The following TMCO6 variants were observed in gnomAD, a reference collection of about 807,000 sequenced individuals.
TMCO6 encodes transmembrane and coiled-coil domain-containing protein 6.
In TMCO6, 47 loss-of-function variants were observed where a neutral mutation model predicts 61.8. The ratio of observed to expected loss-of-function variants is 0.76; its 90% CI spans 0.60 to 0.97. The LOEUF (loss-of-function observed/expected upper bound fraction) is 0.97. TMCO6 is among the 50% of genes least tolerant of loss of function. The probability of loss-of-function intolerance (pLI) is 0.00; values close to 1 mark genes in which losing one functional copy is unlikely to be tolerated. For synonymous variants in TMCO6, 261 were observed against 254.2 expected (o/e 1.03, Z -0.25); for missense variants, 557 against 601.6 (o/e 0.93, Z 0.78).
downstream of TMCO6, among the ~76,000 whole-genome samples, chr5:140,646,041 C>T (rs933197819): frequency 6.8e-5 from 10 of 146,588 alleles, no homozygotes; most frequent in African/African-American, 1.8e-4. Flanking sequence ...GACGGAGTCT[C>T]GCTCTGTCAC....
chr5:140,633,982 T>G, the TMCO6 span, among the ~76,000 whole-genome samples: 35,083 of 151,624 alleles, frequency 0.23, 4,212 homozygotes, highest in East Asian at 0.29. Flanking sequence ...TAGAGACAGG[T>G]TTTCATCATC....
At chr5:140,643,089 T>A (rs1757149882) in intron 7 of TMCO6, 48 bp downstream of exon 7, 2 of 1,612,210 alleles carry the variant, frequency 1.2e-6, no homozygotes, top group East Asian at 4.5e-5. Flanking sequence ...TGGGGCTCCC[T>A]TCCATGACAT....
chr5:140,596,781 G>A, the TMCO6 span, among the ~76,000 whole-genome samples: 5 of 152,260 alleles, frequency 3.3e-5, no homozygotes, highest in African/African-American at 9.6e-5. Context: ...CAGCTGCGGC[G>A]CAAGTGGAGT....
the TMCO6 span, among the ~76,000 whole-genome samples, chr5:140,620,724 A>G: frequency 6.6e-6 from 1 of 152,174 alleles, no homozygotes; most frequent in African/African-American, 2.4e-5. Context: ...TATGTGTGCT[A>G]GGGAGGTTGG....
chr5:140,646,379 C>T (rs144476157), downstream of TMCO6, among the ~76,000 whole-genome samples: 2 of 152,220 alleles, frequency 1.3e-5, no homozygotes, highest in East Asian at 3.9e-4. Flanking sequence ...TAAAGTTACT[C>T]GTGTCTATCT....
the TMCO6 span, among the ~76,000 whole-genome samples, chr5:140,631,557 A>G: frequency 6.6e-6 from 1 of 152,184 alleles, no homozygotes; most frequent in African/African-American, 2.4e-5. Context: ...AGCCCTAGCC[A>G]GGAGTCCTTT....
the TMCO6 span, among the ~76,000 whole-genome samples, chr5:140,625,695 A>G: frequency 6.6e-5 from 10 of 152,306 alleles, no homozygotes; most frequent in East Asian, 7.7e-4. Flanking sequence ...TTTGCTCACT[A>G]TAAGTGCTTT....
At chr5:140,612,184 CTG>C in the TMCO6 span, among the ~76,000 whole-genome samples, 9 of 152,158 alleles carry the variant, frequency 5.9e-5, no homozygotes, top group Non-Finnish European at 1.3e-4. Context: ...AGCATAAAGT[CTG>C]TCACATCACA....
At chr5:140,618,261 C>A in the TMCO6 span, among the ~76,000 whole-genome samples, 1 of 151,948 alleles carries the variant, frequency 6.6e-6, no homozygotes, top group African/African-American at 2.4e-5. Context: ...GAAACCCCAT[C>A]TCTATTAAAA....
chr5:140,610,201 A>G, the TMCO6 span, among the ~76,000 whole-genome samples: 1 of 151,096 alleles, frequency 6.6e-6, no homozygotes, highest in South Asian at 2.1e-4. Context: ...AAAAAAAAAA[A>G]AAAAAAAAAG....
the TMCO6 span, among the ~76,000 whole-genome samples, chr5:140,603,129 C>T: frequency 6.6e-6 from 1 of 152,028 alleles, no homozygotes; most frequent in Non-Finnish European, 1.5e-5. Context: ...ATGCCCAAAA[C>T]ACATGCCATA....
At chr5:140,646,223 C>T (rs1361458012), downstream of TMCO6, among the ~76,000 whole-genome samples, 2 of 152,108 alleles carry the variant, frequency 1.3e-5, no homozygotes, top group African/African-American at 4.8e-5. Flanking sequence ...GTTGGCCAGG[C>T]TGGTCTTGAA....
upstream of TMCO6, chr5:140,639,094 A>C (rs1451660713): frequency 1.1e-5 from 2 of 178,496 alleles, no homozygotes; most frequent in Admixed American, 1.1e-4. Context: ...CATCAGTGGG[A>C]TCCGCATTAA....
At chr5:140,603,559 C>T in the TMCO6 span, among the ~76,000 whole-genome samples, 32 of 152,284 alleles carry the variant, frequency 2.1e-4, no homozygotes, top group South Asian at 6.0e-3. Flanking sequence ...CTGCCCGCCT[C>T]GGCCTCCGAA....
chr5:140,645,862 C>T, downstream of TMCO6: 2 of 1,123,958 alleles, frequency 1.8e-6, no homozygotes, highest in African/African-American at 1.6e-5. Flanking sequence ...CTAGGAAGCC[C>T]AAGTCCAAAT....
chr5:140,608,036 C>T, the TMCO6 span, among the ~76,000 whole-genome samples: 5 of 152,068 alleles, frequency 3.3e-5, no homozygotes, highest in African/African-American at 9.7e-5. Flanking sequence ...ATGATCTGCC[C>T]GCCTCGGCCT....
At chr5:140,627,251 A>G in the TMCO6 span, among the ~76,000 whole-genome samples, 1 of 151,428 alleles carries the variant, frequency 6.6e-6, no homozygotes, top group Non-Finnish European at 1.5e-5. Flanking sequence ...AATTTTAATT[A>G]TGTACCAGGT....
chr5:140,613,717 A>G, the TMCO6 span, among the ~76,000 whole-genome samples: 2 of 151,736 alleles, frequency 1.3e-5, no homozygotes, highest in African/African-American at 2.4e-5. Context: ...TATTATTATT[A>G]TTTTTATTTT....
At chr5:140,606,603 G>A in the TMCO6 span, among the ~76,000 whole-genome samples, 2 of 152,034 alleles carry the variant, frequency 1.3e-5, no homozygotes, top group Admixed American at 6.6e-5. Context: ...AACAAGGGTG[G>A]TCCCATTAGA....
Sources: allele counts gnomAD v4.1 joint callset (sites outside exome capture counted in the v4.1 genomes callset), GRCh38; gene constraint gnomAD v4.1.1; transcripts MANE v1.5; gene names NCBI Gene and HGNC (gene_info 2026-07-23, HGNC 2026-07-21).